Variants in KCNK5 observed in about 807,000 individuals in gnomAD.
KCNK5 encodes the protein potassium channel subfamily K member 5.
KCNK5 carries 18 observed loss-of-function variants against 32.9 expected under a neutral mutation model. The observed-to-expected ratio is 0.55, with a 90% CI of 0.38 to 0.81. The LOEUF is 0.81. Ranked by LOEUF, KCNK5 falls within the 30% of genes least tolerant of loss-of-function variation. The pLI is 0.00. For missense variants in KCNK5, 507 were observed against 651.0 expected (o/e 0.78, Z 2.41); for synonymous variants, 276 against 275.3 (o/e 1.00, Z -0.03).
chr6:39,211,856 C>G (rs1425324744), intron 1 of KCNK5, among the ~76,000 whole-genome samples: 1 of 151,886 alleles, frequency 6.6e-6, no homozygotes, highest in Non-Finnish European at 1.5e-5. Context: ...CCCAGCTACT[C>G]TGGAGGTTGA....
chr6:39,199,941 G>T (rs572968446), intron 1 of KCNK5, among the ~76,000 whole-genome samples: 20 of 152,314 alleles, frequency 1.3e-4, no homozygotes, highest in South Asian at 4.1e-4. Flanking sequence ...ATGTGAATTT[G>T]GGGTGCTAGC....
At chr6:39,227,272 G>GA (rs750415172) in intron 1 of KCNK5, among the ~76,000 whole-genome samples, 17 of 152,010 alleles carry the variant, frequency 1.1e-4, no homozygotes, top group Non-Finnish European at 2.2e-4. Context: ...TATCATCCTT[G>GA]CCTGCCCTCT....
At chr6:39,199,179 C>A (rs1345347981) in intron 1 of KCNK5, among the ~76,000 whole-genome samples, 1 of 152,200 alleles carries the variant, frequency 6.6e-6, no homozygotes, top group Non-Finnish European at 1.5e-5. Context: ...GACAACCACA[C>A]CCACAAGGCC....
intron 1 of KCNK5, among the ~76,000 whole-genome samples, chr6:39,198,039 G>A (rs1010732196): frequency 6.6e-6 from 1 of 152,234 alleles, no homozygotes; most frequent in Non-Finnish European, 1.5e-5. Context: ...ACATGCAGAA[G>A]AGGAAGTAGT....
At chr6:39,196,048 G>A (rs937212544) in intron 1 of KCNK5, 61 bp from the exon 2 acceptor site, 1 of 1,194,688 alleles carries the variant, frequency 8.4e-7, no homozygotes, top group Non-Finnish European at 1.2e-6. Context: ...CTGATTGACA[G>A]AACTGCACTA....
At chr6:39,214,666 G>T (rs1381472980) in intron 1 of KCNK5, among the ~76,000 whole-genome samples, 1 of 152,136 alleles carries the variant, frequency 6.6e-6, no homozygotes, top group Non-Finnish European at 1.5e-5. Context: ...AGGGAGGGAG[G>T]GCAGAGAAGG....
At position 39,191,867 on chromosome 6, in the gene KCNK5, G is replaced by T. The variant is rs528721149; in HGVS notation, c.635-112C>A. ...GGTCAGGCCAGAGCACAGGACGGGG[G>T]TGCAGTGGGATAGAAAGGGGCCTGT... is the stretch of plus-strand genomic sequence containing the variant. On this transcript the variant is annotated intron_variant, in intron 4 of 4. Transcript: ENST00000359534. The surrounding 1 kb of genome is among the most constrained non-coding windows in gnomAD (Gnocchi z 5.8). 204 of 1,168,054 alleles carry T rather than the reference G, an allele frequency of 1.7e-4. No individual in the cohort carries two copies. In the East Asian group the frequency reaches 4.5e-3, roughly 26 times the overall value. The allele number at this position is 1,168,054 out of a possible 1,614,324, so 72.4% of individuals were successfully genotyped here. A position where few individuals can be genotyped will look rare whatever the true frequency, so the allele number is the denominator to read the frequency against.
chr6:39,210,376 A>G (rs1428452259), intron 1 of KCNK5, among the ~76,000 whole-genome samples: 1 of 152,180 alleles, frequency 6.6e-6, no homozygotes, highest in East Asian at 1.9e-4. Flanking sequence ...GCAAGGTGGT[A>G]GAACAGGGGG....
intron 1 of KCNK5, among the ~76,000 whole-genome samples, chr6:39,197,983 C>T (rs1299267390): frequency 1.3e-5 from 2 of 152,200 alleles, no homozygotes; most frequent in African/African-American, 4.8e-5. Context: ...AGAAAACAAA[C>T]CTGAACTCTT....
At chr6:39,201,605 A>G (rs1054190437) in intron 1 of KCNK5, among the ~76,000 whole-genome samples, 4 of 152,150 alleles carry the variant, frequency 2.6e-5, no homozygotes, top group African/African-American at 9.7e-5. Context: ...AGGGATGGTA[A>G]AATTGGGCCC....
intron 1 of KCNK5, among the ~76,000 whole-genome samples, chr6:39,215,152 A>G (rs1771409629): frequency 6.6e-6 from 1 of 152,120 alleles, no homozygotes; most frequent in African/African-American, 2.4e-5. Flanking sequence ...TGCAGGGCTG[A>G]GGCTAGAGTC....
chr6:39,208,456 G>C (rs1771267534), intron 1 of KCNK5, among the ~76,000 whole-genome samples: 1 of 152,134 alleles, frequency 6.6e-6, no homozygotes, highest in African/African-American at 2.4e-5. Flanking sequence ...CCCCCTGCAG[G>C]ATCCTCCTGA....
chr6:39,229,149 T>A lies in KCNK5; in HGVS notation c.-38A>T, dbSNP rs1475786018. The A allele has an allele frequency of 1.9e-6, 3 of 1,604,828 alleles. No homozygotes were observed. The highest frequency in any genetic ancestry group is 2.2e-5 in the South Asian group (2 of 90,766). ...GCCGCCTCCTAGAGAAAGCCTCTCC[T>A]AGCCCCAGCTGCTACCAGTCCGCCC... On this transcript the variant is annotated 5_prime_UTR_variant, in exon 1 of 5. Coordinates refer to ENST00000359534, the MANE Select transcript of KCNK5 (RefSeq NM_003740.4).
At position 39,189,428 on chromosome 6, in the gene KCNK5, G is replaced by C. The variant is rs187592869; in HGVS notation, c.*1462C>G. On this transcript the variant is annotated 3_prime_UTR_variant, in exon 5 of 5. Transcript: ENST00000359534. ...GGCCTTGGATGAGGTCACCGAAAAA[G>C]GCCCAATTGAGTTGCAGGGCAGGAG... 6.5e-6 allele frequency: 1 copy of C among 152,690 alleles called. No individual in the cohort carries two copies. The highest frequency in any genetic ancestry group is 2.4e-5 in the African/African-American group (1 of 41,552). The allele number at this position is 152,690 out of a possible 1,614,324, so 9.5% of individuals were successfully genotyped here.
At chr6:39,224,767 G>A (rs970474163) in intron 1 of KCNK5, among the ~76,000 whole-genome samples, 1 of 152,130 alleles carries the variant, frequency 6.6e-6, no homozygotes, top group African/African-American at 2.4e-5. Context: ...CCACCCTCAG[G>A]AGACAAGGGA....
chr6:39,218,360 C>T (rs749344728), intron 1 of KCNK5, among the ~76,000 whole-genome samples: 6 of 152,184 alleles, frequency 3.9e-5, no homozygotes, highest in Non-Finnish European at 8.8e-5. Flanking sequence ...TGAGCCACCA[C>T]GCCCAGCCTA....
chr6:39,194,129 G>T lies in KCNK5; in HGVS notation c.634+40C>A, dbSNP rs1008850808. 6.2e-7 allele frequency: 1 copy of T among 1,612,450 alleles called. No individual in the cohort carries two copies. Among genetic ancestry groups the T allele is most frequent in the African/African-American group, 1.3e-5 (1 of 75,000 alleles). ...ATAGGTCTGTTGCACTGAAACCAAAGAAGCAGAAAAAGAGGTGGGAGGCAG... is the reference window on the plus strand; with the variant it reads ...ATAGGTCTGTTGCACTGAAACCAAATAAGCAGAAAAAGAGGTGGGAGGCAG... On this transcript the variant is annotated intron_variant, in intron 4 of 4. Transcript: ENST00000359534. This position sits in a 1 kb window ranked among gnomAD's most constrained non-coding sequence, Gnocchi z 4.7.
At chr6:39,208,171 TAC>T (rs1371163121) in intron 1 of KCNK5, among the ~76,000 whole-genome samples, 1 of 152,196 alleles carries the variant, frequency 6.6e-6, no homozygotes, top group African/African-American at 2.4e-5. Context: ...ACCCATTTAT[TAC>T]AGTTTGTTTA....
intron 1 of KCNK5, among the ~76,000 whole-genome samples, chr6:39,213,725 C>T (rs1771380135): frequency 6.6e-6 from 1 of 152,136 alleles, no homozygotes; most frequent in African/African-American, 2.4e-5. Flanking sequence ...TGTGGTGGCT[C>T]ACACCTATAA....
Sources: allele counts gnomAD v4.1 joint callset (sites outside exome capture counted in the v4.1 genomes callset), GRCh38; gene constraint gnomAD v4.1.1; non-coding constraint Gnocchi (gnomAD v3.1); transcripts MANE v1.5; gene names NCBI Gene and HGNC (gene_info 2026-07-23, HGNC 2026-07-21).